The following RBFOX1 variants were observed in gnomAD, a reference collection of about 807,000 sequenced individuals.
RBFOX1 encodes RNA binding protein fox-1 homolog 1.
In RBFOX1, 8 loss-of-function variants were observed where a neutral mutation model predicts 57.7. That is an observed-to-expected ratio of 0.14 (90% CI 0.08 to 0.25). The LOEUF (loss-of-function observed/expected upper bound fraction) is 0.25. Ranked by LOEUF, RBFOX1 falls within the 10% of genes least tolerant of loss-of-function variation. RBFOX1 has a pLI of 1.00. For synonymous variants in RBFOX1, 326 were observed against 222.4 expected (o/e 1.47, Z -4.15); for missense variants, 611 against 548.5 (o/e 1.11, Z -1.14).
At chr16:7,345,053 A>G (rs765095709) in intron 4 of RBFOX1, among the ~76,000 whole-genome samples, 33 of 151,938 alleles carry the variant, frequency 2.2e-4, no homozygotes, top group South Asian at 4.1e-4. Context: ...GAGGAAGGGC[A>G]CTGCTGGGAC....
chr16:5,815,959 A>T (rs919148217), intron 3 of RBFOX1, among the ~76,000 whole-genome samples: 3 of 152,154 alleles, frequency 2.0e-5, no homozygotes, highest in African/African-American at 7.2e-5. Context: ...AAAATCCATT[A>T]GGCTTGGTTG....
chr16:7,587,380 T>C lies in RBFOX1; in HGVS notation c.468+80T>C, dbSNP rs1197836082. ...TGAATAAGGGGAAACAACTGCACTG[T>C]CTTAATCAGCTCATTGTGAAAATAC... On this transcript the variant is annotated intron_variant, in intron 7 of 15. Coordinates refer to ENST00000550418, the MANE Select transcript of RBFOX1 (RefSeq NM_018723.4). 6.9e-6 allele frequency: 9 copies of C among 1,313,280 alleles called. No individual in the cohort carries two copies. In the Admixed American group the frequency reaches 2.3e-4, roughly 34 times the overall value. The allele number at this position is 1,313,280 out of a possible 1,614,324, so 81.4% of individuals were successfully genotyped here.
intron 4 of RBFOX1, among the ~76,000 whole-genome samples, chr16:7,496,886 A>C (rs1283263416): frequency 6.6e-6 from 1 of 152,176 alleles, no homozygotes; most frequent in Non-Finnish European, 1.5e-5. Flanking sequence ...AATGGACTGA[A>C]AAAATTAGGA....
intron 1 of RBFOX1, among the ~76,000 whole-genome samples, chr16:6,200,944 GGT>G (rs138893942): frequency 0.48 from 37,387 of 78,536 alleles, 5,182 homozygotes; most frequent in East Asian, 0.59. Context: ...AACTTAGTGA[GGT>G]TTTTTTTTTT....
chr16:5,892,215 C>T (rs4786068), intron 4 of RBFOX1, among the ~76,000 whole-genome samples: 94,342 of 151,924 alleles, frequency 0.62, 29,382 homozygotes, highest in African/African-American at 0.66. Flanking sequence ...TACACAGCAG[C>T]GTGAATGGCT....
chr16:6,305,485 C>T (rs1024861126), intron 1 of RBFOX1, among the ~76,000 whole-genome samples: 1 of 151,954 alleles, frequency 6.6e-6, no homozygotes, highest in Non-Finnish European at 1.5e-5. Flanking sequence ...TACTCACATG[C>T]ATATGTCTTT....
At chr16:7,340,560 C>T (rs531672570) in intron 4 of RBFOX1, among the ~76,000 whole-genome samples, 1 of 152,316 alleles carries the variant, frequency 6.6e-6, no homozygotes, top group South Asian at 2.1e-4. Context: ...GAAGTCAAGA[C>T]AGTCCAACCA....
chr16:6,120,522 A>G (rs926854003), intron 1 of RBFOX1, among the ~76,000 whole-genome samples: 1 of 152,052 alleles, frequency 6.6e-6, no homozygotes, highest in Non-Finnish European at 1.5e-5. Context: ...GGGTCGTATA[A>G]TTTGTCTCAG....
At position 7,035,620 on chromosome 16, in the gene RBFOX1, C is replaced by G. The variant is rs188494394; in HGVS notation, c.-15-16437C>G. ...GTTTATTATTATTATTATTTTAAAT[C>G]TGAAGAGCTCTCTGAGCTCGGTCAT... is the stretch of plus-strand genomic sequence containing the variant. On this transcript the variant is annotated intron_variant, in intron 3 of 15. Coordinates refer to ENST00000550418, the MANE Select transcript of RBFOX1 (RefSeq NM_018723.4). Among the ~76,000 whole-genome samples the G allele has an allele frequency of 2.3e-3, 344 of 152,180 alleles. 2 individuals are homozygous for G. Among genetic ancestry groups the G allele is most frequent in the African/African-American group, 8.0e-3 (330 of 41,484 alleles).
At chr16:6,664,606 G>C (rs941795971) in intron 3 of RBFOX1, among the ~76,000 whole-genome samples, 5 of 152,178 alleles carry the variant, frequency 3.3e-5, no homozygotes, top group African/African-American at 1.2e-4. Context: ...CCCACCACCA[G>C]TGAGATTCGA....
chr16:7,383,822 C>T (rs947471222), intron 4 of RBFOX1, among the ~76,000 whole-genome samples: 79 of 152,044 alleles, frequency 5.2e-4, no homozygotes, highest in African/African-American at 1.7e-3. Flanking sequence ...TTTGGGAGGC[C>T]GAGGCGGGCA....
chr16:7,351,265 T>C (rs1243588476), intron 4 of RBFOX1, among the ~76,000 whole-genome samples: 2 of 152,212 alleles, frequency 1.3e-5, no homozygotes, highest in African/African-American at 2.4e-5. Flanking sequence ...AGTTCATTCG[T>C]ACCTAAAATA....
At chr16:5,788,726 C>T (rs1001480033) in intron 3 of RBFOX1, among the ~76,000 whole-genome samples, 1 of 152,150 alleles carries the variant, frequency 6.6e-6, no homozygotes, top group Non-Finnish European at 1.5e-5. Flanking sequence ...GTGTAAGACA[C>T]ACACATACAC....
rs550745969 is a variant in RBFOX1, at chr16:6,456,680, A to G, written c.-64+139623A>G. Among the ~76,000 whole-genome samples, 20 of 152,294 alleles carry G rather than the reference A, an allele frequency of 1.3e-4. No homozygotes were observed. The East Asian group carries it at 3.7e-3, about 28-fold the overall frequency. ...GGAACATCAGTTAGAGGGCGGTTGC[A>G]GGCTGATGGGCACTTTGGGTGGGAA... On this transcript the variant is annotated intron_variant, in intron 2 of 15. Transcript: ENST00000550418.
intron 2 of RBFOX1, among the ~76,000 whole-genome samples, chr16:6,653,653 A>G (rs532999725): frequency 1.3e-5 from 2 of 151,288 alleles, no homozygotes; most frequent in South Asian, 4.2e-4. Context: ...GGATGGATGG[A>G]TGAATGGGTG....
chr16:7,709,189 C>A, intron 15 of RBFOX1, 58 bp downstream of exon 15: 1 of 1,489,940 alleles, frequency 6.7e-7, no homozygotes, highest in Non-Finnish European at 9.3e-7. Flanking sequence ...CTTTCCCCAG[C>A]TGGGACCTCA....
chr16:6,908,703 C>T (rs2070746045), intron 3 of RBFOX1, among the ~76,000 whole-genome samples: 1 of 152,134 alleles, frequency 6.6e-6, no homozygotes, highest in African/African-American at 2.4e-5. Context: ...CGAGGGCAGG[C>T]TCCAGGGTCA....
chr16:7,664,743 G>T, intron 12 of RBFOX1, 186 bp from the exon 13 acceptor site: 1 of 996,814 alleles, frequency 1.0e-6, no homozygotes, highest in Non-Finnish European at 1.5e-6. Context: ...ACCAAAGCCC[G>T]GCCTAATTTT....
chr16:6,816,188 G>T (rs1368694952), intron 3 of RBFOX1, among the ~76,000 whole-genome samples: 1 of 152,104 alleles, frequency 6.6e-6, no homozygotes, highest in Non-Finnish European at 1.5e-5. Context: ...ATGCTCACTT[G>T]TAATCCCAGC....
Sources: gnomAD v4.1 joint callset for allele counts (sites outside exome capture counted in the v4.1 genomes callset) on GRCh38, gnomAD v4.1.1 for gene constraint, MANE v1.5 for transcripts, NCBI Gene and HGNC (gene_info 2026-07-23, HGNC 2026-07-21) for gene names.